The following PCDH11X variants were observed in gnomAD, a reference collection of about 807,000 sequenced individuals.
The protein encoded by PCDH11X is protocadherin 11 X-linked.
PCDH11X carries 18 observed loss-of-function variants against 53.3 expected under a neutral mutation model. The observed-to-expected ratio is 0.34, with a 90% CI of 0.23 to 0.50. PCDH11X has a LOEUF of 0.50. Among genes scored for constraint, PCDH11X ranks in the 20% least tolerant of loss-of-function variants. The pLI is 0.98. For missense variants in PCDH11X, 570 were observed against 1,032.4 expected (o/e 0.55, Z 6.14); for synonymous variants, 279 against 393.3 (o/e 0.71, Z 3.44).
At chrX:92,016,139 C>T (rs765989686) in intron 6 of PCDH11X, among the ~76,000 whole-genome samples, 8 of 112,902 alleles carry the variant, frequency 7.1e-5, no homozygotes, top group African/African-American at 2.2e-4. Flanking sequence ...TAGGGATCAA[C>T]GGTCAGCTTA....
intron 8 of PCDH11X, among the ~76,000 whole-genome samples, chrX:92,275,513 G>A (rs1017149137): frequency 9.0e-6 from 1 of 111,424 alleles, no homozygotes; most frequent in African/African-American, 3.3e-5. Flanking sequence ...GAGAGGCTGG[G>A]ATGAAGGGTG....
chrX:91,945,788 A>G (rs2061565848), intron 6 of PCDH11X, among the ~76,000 whole-genome samples: 1 of 110,244 alleles, frequency 9.1e-6, no homozygotes, highest in African/African-American at 3.3e-5. Context: ...GTAGGATGAA[A>G]CCGAACCTTT....
At chrX:92,153,639 T>A (rs2065478537) in intron 6 of PCDH11X, among the ~76,000 whole-genome samples, 1 of 111,530 alleles carries the variant, frequency 9.0e-6, no homozygotes, top group Admixed American at 9.6e-5. Context: ...ATTTTTATTA[T>A]CTAAAGGATT....
chrX:92,516,330 T>A (rs1374842250), intron 10 of PCDH11X, among the ~76,000 whole-genome samples: 1 of 112,087 alleles, frequency 8.9e-6, no homozygotes, highest in African/African-American at 3.2e-5. Context: ...TATGATGAAG[T>A]TCAGACAATA....
intron 6 of PCDH11X, among the ~76,000 whole-genome samples, chrX:92,137,478 C>T (rs936021520): frequency 1.9e-4 from 21 of 110,522 alleles, no homozygotes; most frequent in Non-Finnish European, 3.4e-4. Flanking sequence ...ATAAGAAAAA[C>T]GTTTTCATAT....
At chrX:92,099,738 G>A (rs73630160) in intron 6 of PCDH11X, among the ~76,000 whole-genome samples, 412 of 111,479 alleles carry the variant, frequency 3.7e-3, no homozygotes, top group African/African-American at 0.013. Flanking sequence ...TTCAATTTTT[G>A]TATATTTCAT....
intron 6 of PCDH11X, among the ~76,000 whole-genome samples, chrX:91,958,439 C>T (rs1009496020): frequency 1.8e-5 from 2 of 111,382 alleles, no homozygotes; most frequent in African/African-American, 3.3e-5. Context: ...CTCCACACAG[C>T]TCTGTGTGTC....
intron 8 of PCDH11X, among the ~76,000 whole-genome samples, chrX:92,278,530 A>G (rs1376940173): frequency 9.1e-6 from 1 of 110,155 alleles, no homozygotes; most frequent in East Asian, 2.9e-4. Context: ...ATTACAGTCA[A>G]AGGGGGTTGT....
At chrX:92,338,470 C>A (rs1305558777) in intron 8 of PCDH11X, among the ~76,000 whole-genome samples, 3 of 110,591 alleles carry the variant, frequency 2.7e-5, no homozygotes, top group Non-Finnish European at 5.7e-5. Context: ...CATGAGATTG[C>A]ATACAAATAA....
chrX:91,962,286 A>G (rs2061798804), intron 6 of PCDH11X, among the ~76,000 whole-genome samples: 1 of 112,342 alleles, frequency 8.9e-6, no homozygotes, highest in South Asian at 3.7e-4. Flanking sequence ...CAATGAGTCA[A>G]CAGGTATTGG....
At chrX:92,072,849 C>G (rs978100255) in intron 6 of PCDH11X, among the ~76,000 whole-genome samples, 15 of 110,758 alleles carry the variant, frequency 1.4e-4, no homozygotes, top group African/African-American at 4.9e-4. Context: ...CTAAGTCGAG[C>G]CTAGCACAGG....
At chrX:91,941,307 A>C (rs1297403141) in intron 6 of PCDH11X, among the ~76,000 whole-genome samples, 1 of 111,895 alleles carries the variant, frequency 8.9e-6, no homozygotes, top group Non-Finnish European at 1.9e-5. Context: ...TGATAAAAAT[A>C]GACAAGATTT....
chrX:91,818,437 C>T (rs193043088), intron 4 of PCDH11X, among the ~76,000 whole-genome samples: 1,259 of 110,543 alleles, frequency 0.011, 15 homozygotes, highest in African/African-American at 0.04. Flanking sequence ...CGATGGCTCA[C>T]GCCTGTAATC....
chrX:92,195,364 T>C (rs972263725), intron 6 of PCDH11X, among the ~76,000 whole-genome samples: 1 of 111,773 alleles, frequency 8.9e-6, no homozygotes, highest in African/African-American at 3.2e-5. Flanking sequence ...TTTGTTGCTC[T>C]TGACGACAAT....
chrX:92,507,354 T>G (rs1046697097), intron 10 of PCDH11X, among the ~76,000 whole-genome samples: 6 of 110,963 alleles, frequency 5.4e-5, no homozygotes, highest in African/African-American at 2.0e-4. Flanking sequence ...TTGGTGTGGG[T>G]GTTTAGGGCT....
chrX:92,096,476 A>G (rs867844425), intron 6 of PCDH11X, among the ~76,000 whole-genome samples: 6 of 81,292 alleles, frequency 7.4e-5, no homozygotes, highest in African/African-American at 2.3e-4. Context: ...GTGTGTGTGT[A>G]TGTACCTGCT....
chrX:91,965,947 T>G (rs1181698129), intron 6 of PCDH11X, among the ~76,000 whole-genome samples: 4 of 111,433 alleles, frequency 3.6e-5, no homozygotes, highest in Non-Finnish European at 5.6e-5. Context: ...AGGCTTTAAT[T>G]GGGTGCTGCA....
intron 10 of PCDH11X, among the ~76,000 whole-genome samples, chrX:92,581,455 G>A (rs907545233): frequency 6.3e-5 from 7 of 111,415 alleles, no homozygotes; most frequent in African/African-American, 2.3e-4. Flanking sequence ...GTTTTATAAG[G>A]GGAAACCTCT....
At chrX:92,027,021 A>AT (rs893089031) in intron 6 of PCDH11X, among the ~76,000 whole-genome samples, 22 of 106,276 alleles carry the variant, frequency 2.1e-4, no homozygotes, top group Non-Finnish European at 4.1e-4. Context: ...ACATATTGCC[A>AT]TTTTAGTGGC....
Sources: gnomAD v4.1 joint callset for allele counts (sites outside exome capture counted in the v4.1 genomes callset) on GRCh38, gnomAD v4.1.1 for gene constraint, MANE v1.5 for transcripts, NCBI Gene and HGNC (gene_info 2026-07-23, HGNC 2026-07-21) for gene names.